ZNF573: variants seen among roughly 807,000 people sequenced by gnomAD.
ZNF573 encodes the protein zinc finger protein 573.
Under a neutral mutation model 57.4 loss-of-function variants are expected in ZNF573, and 41 were observed. The ratio of observed to expected loss-of-function variants is 0.71; its 90% CI spans 0.56 to 0.93. ZNF573 has a LOEUF of 0.93. Among genes scored for constraint, ZNF573 ranks in the 40% least tolerant of loss-of-function variants. The probability of loss-of-function intolerance (pLI) is 0.00; values close to 1 mark genes in which losing one functional copy is unlikely to be tolerated. For synonymous variants in ZNF573, 249 were observed against 261.0 expected (o/e 0.95, Z 0.44); for missense variants, 730 against 794.8 (o/e 0.92, Z 0.98).
chr19:37,748,881 A>C (rs11673023), intron 4 of ZNF573, among the ~76,000 whole-genome samples: 102,762 of 146,972 alleles, frequency 0.7, 37,535 homozygotes, highest in Non-Finnish European at 0.82. Flanking sequence ...GAGCCGAGAT[A>C]GCACCACTGC....
intron 3 of ZNF573, among the ~76,000 whole-genome samples, chr19:37,770,832 T>TCATATATATATATATATA (rs2045649724): frequency 1.1e-5 from 1 of 93,750 alleles, no homozygotes; most frequent in Non-Finnish European, 1.8e-5. Flanking sequence ...TTAAGTTATT[T>TCATATATATATATATATA]TATATATATA....
intron 4 of ZNF573, among the ~76,000 whole-genome samples, chr19:37,757,159 C>T (rs754238398): frequency 6.6e-6 from 1 of 151,922 alleles, no homozygotes; most frequent in Non-Finnish European, 1.5e-5. Flanking sequence ...TCTCACCTCT[C>T]ACTGCCTACC....
intron 2 of ZNF573, among the ~76,000 whole-genome samples, chr19:37,771,994 A>G (rs2045663588): frequency 6.6e-6 from 1 of 152,228 alleles, no homozygotes; most frequent in Non-Finnish European, 1.5e-5. Flanking sequence ...TAAAGTATTA[A>G]AGACACAACT....
chr19:37,775,874 AAAAC>A (rs1414154840), intron 1 of ZNF573, among the ~76,000 whole-genome samples: 2 of 109,296 alleles, frequency 1.8e-5, no homozygotes, highest in Admixed American at 9.3e-5. Context: ...AAAGAAAACA[AAAAC>A]AAAACAAAAC....
intron 4 of ZNF573, among the ~76,000 whole-genome samples, chr19:37,741,253 A>G (rs1309375643): frequency 6.6e-6 from 1 of 152,026 alleles, no homozygotes. Context: ...TTATCTATCT[A>G]TCCATCCATC....
intron 4 of ZNF573, among the ~76,000 whole-genome samples, chr19:37,744,757 G>A (rs866245007): frequency 4.0e-3 from 446 of 111,348 alleles, no homozygotes; most frequent in Middle Eastern, 0.026. Flanking sequence ...AAAAAAAAAA[G>A]AAAAAAAAAA....
At chr19:37,763,596 A>C (rs914105235) in intron 4 of ZNF573, among the ~76,000 whole-genome samples, 3 of 152,072 alleles carry the variant, frequency 2.0e-5, no homozygotes, top group African/African-American at 4.8e-5. Flanking sequence ...AAACAGAGTA[A>C]ATATCAGTCA....
rs1255574640 is a variant in ZNF573 at position 37,771,624 on chromosome 19, T to C, written c.142A>G (p.Asn48Asp). Reference sequence around the variant, plus strand: ...ACATCCCTGTATAAGTCCCTCTGATTAGGGTCCAGGTATTCCCACTCCTGC... The same window carrying C: ...ACATCCCTGTATAAGTCCCTCTGATCAGGGTCCAGGTATTCCCACTCCTGC... Reference protein sequence around the residue: ...SRQEWEYLDPNQRDLYRDVML... With the variant: ...SRQEWEYLDPDQRDLYRDVML... The change falls in exon 3 of 5, where the codon AAT (asparagine) becomes GAT (aspartate). Residue 48 changes from asparagine to aspartate, a missense_variant. Asn to Asp is a conservative substitution (Grantham distance 23). Coordinates refer to ENST00000536220, the MANE Select transcript of ZNF573 (RefSeq NM_001172690.2). 11 of 1,605,286 alleles carry C rather than the reference T, an allele frequency of 6.9e-6. No homozygotes were observed. The highest frequency in any genetic ancestry group is 9.3e-6 in the Non-Finnish European group (11 of 1,176,958).
At chr19:37,744,220 G>A (rs924757665) in intron 4 of ZNF573, among the ~76,000 whole-genome samples, 1 of 152,028 alleles carries the variant, frequency 6.6e-6, no homozygotes, top group Non-Finnish European at 1.5e-5. Flanking sequence ...GAGCAGAGCA[G>A]CTCCCAAGCA....
chr19:37,776,655 G>T (rs1214562463), intron 1 of ZNF573, among the ~76,000 whole-genome samples: 2 of 152,140 alleles, frequency 1.3e-5, no homozygotes, highest in African/African-American at 4.8e-5. Flanking sequence ...AAACTAAAAA[G>T]CTTCTGCACA....
chr19:37,761,432 C>T (rs1361973775), intron 4 of ZNF573, among the ~76,000 whole-genome samples: 1 of 152,080 alleles, frequency 6.6e-6, no homozygotes, highest in Non-Finnish European at 1.5e-5. Flanking sequence ...CCTAGGCTAA[C>T]CATAAAGACT....
Position 37,738,318 on chromosome 19 carries a change from A to G in ZNF573, c.*174T>C. The G allele has an allele frequency of 1.7e-6, 1 of 574,582 alleles. No homozygotes were observed. 35.6% of individuals were successfully genotyped at this position (574,582 alleles called of 1,614,324 possible). On this transcript the variant is annotated 3_prime_UTR_variant, in exon 5 of 5. Coordinates refer to ENST00000536220, the MANE Select transcript of ZNF573 (RefSeq NM_001172690.2). ...TTTTTTTTTCTTAATTTACCATTGA[A>G]TAGTCAGATATTCCATTAAAACAGG...
intron 4 of ZNF573, among the ~76,000 whole-genome samples, chr19:37,746,959 G>A (rs1007319515): frequency 1.3e-5 from 2 of 152,126 alleles, no homozygotes; most frequent in Admixed American, 6.6e-5. Flanking sequence ...CCAGGACCAC[G>A]GGAGGGAGAA....
Position 37,770,832 on chromosome 19 carries a change from TTATATATA to T in ZNF573, c.202+724_202+731del, listed in dbSNP as rs58757674. Among the ~76,000 whole-genome samples, 626 of 93,708 alleles carry T rather than the reference TTATATATA, an allele frequency of 6.7e-3. 15 individuals carry two copies. The highest frequency in any genetic ancestry group is 0.033 in the South Asian group (99 of 3,034). 61.5% of individuals were successfully genotyped at this position (93,708 alleles called of 152,430 possible). ...ACAGTTCTTTCAGGATTAAGTTATT[TTATATATA>T]TATATATATATATATATATATATAT... On this transcript the variant is annotated intron_variant, in intron 3 of 4. Coordinates refer to ENST00000536220, the MANE Select transcript of ZNF573 (RefSeq NM_001172690.2).
chr19:37,773,640 A>T, intron 2 of ZNF573, 21 bp downstream of exon 2: 1 of 1,526,744 alleles, frequency 6.5e-7, no homozygotes, highest in Non-Finnish European at 8.8e-7. Flanking sequence ...TATTGCAAGG[A>T]AACAGAATTA....
At position 37,750,075 on chromosome 19, in the gene ZNF573, AT is replaced by A. The variant is rs1014407041; in HGVS notation, c.296-9882del. On this transcript the variant is annotated intron_variant, in intron 4 of 4. Transcript: ENST00000536220. ...AAGCTAATGAAACACATCCAACATT[AT>A]TTTTTTTTAATTTTTTTTTTTTTTG... 2.5e-4 allele frequency among the ~76,000 whole-genome samples: 38 copies of A among 149,736 alleles called. 1 individual carries two copies. Among genetic ancestry groups the A allele is most frequent in the Non-Finnish European group, 1.0e-4 (7 of 67,366 alleles).
At chr19:37,770,832 TTATATATATATATATATATATA>T (rs58757674) in intron 3 of ZNF573, among the ~76,000 whole-genome samples, 45 of 93,696 alleles carry the variant, frequency 4.8e-4, no homozygotes, top group East Asian at 3.1e-3. Flanking sequence ...TTAAGTTATT[TTATATATATATATATATATATA>T]TATATATATA....
chr19:37,756,094 C>T (rs1423984983), intron 4 of ZNF573, among the ~76,000 whole-genome samples: 1 of 152,192 alleles, frequency 6.6e-6, no homozygotes, highest in Non-Finnish European at 1.5e-5. Context: ...TGTGAAAAGG[C>T]TGTTGGCTCC....
chr19:37,771,810 T>G, intron 2 of ZNF573, 114 bp from the exon 3 acceptor site: 1 of 1,120,118 alleles, frequency 8.9e-7, no homozygotes, highest in Non-Finnish European at 1.2e-6. Flanking sequence ...TAATGACTGG[T>G]AGCAGACTAA....
Sources: allele counts gnomAD v4.1 joint callset (sites outside exome capture counted in the v4.1 genomes callset), GRCh38; gene constraint gnomAD v4.1.1; transcripts MANE v1.5; gene names NCBI Gene and HGNC (gene_info 2026-07-23, HGNC 2026-07-21).